Variants in MYO16 observed in about 807,000 individuals in gnomAD.
MYO16 encodes the protein myosin XVI.
In MYO16, 94 loss-of-function variants were observed where a neutral mutation model predicts 205.3. The ratio of observed to expected loss-of-function variants is 0.46; its 90% CI spans 0.39 to 0.54. The LOEUF (loss-of-function observed/expected upper bound fraction) is 0.54. Among genes scored for constraint, MYO16 ranks in the 20% least tolerant of loss-of-function variants. The pLI, the probability that MYO16 is intolerant of heterozygous loss-of-function variation, is 0.00. For missense variants in MYO16, 2,315 were observed against 2,387.5 expected (o/e 0.97, Z 0.63); for synonymous variants, 988 against 954.0 (o/e 1.04, Z -0.66).
At chr13:108,946,021 A>G (rs879838820) in intron 16 of MYO16, among the ~76,000 whole-genome samples, 20 of 152,310 alleles carry the variant, frequency 1.3e-4, no homozygotes, top group African/African-American at 2.4e-4. Context: ...GGGGGTAGAC[A>G]TGCCATTTTT....
At chr13:108,729,586 G>T (rs958548867) in intron 4 of MYO16, among the ~76,000 whole-genome samples, 2 of 151,754 alleles carry the variant, frequency 1.3e-5, no homozygotes, top group Admixed American at 1.3e-4. Context: ...ATTAAATTAA[G>T]CCGTGCCAAA....
chr13:108,746,077 C>T (rs1885053265), intron 4 of MYO16, among the ~76,000 whole-genome samples: 1 of 151,990 alleles, frequency 6.6e-6, no homozygotes, highest in African/African-American at 2.4e-5. Flanking sequence ...CCTGTAGTCC[C>T]AGCTACTCGG....
chr13:108,681,860 T>C (rs1183178546), intron 2 of MYO16, among the ~76,000 whole-genome samples: 1 of 152,224 alleles, frequency 6.6e-6, no homozygotes, highest in Non-Finnish European at 1.5e-5. Flanking sequence ...CTATTCATGG[T>C]CCTCCACAAT....
At chr13:108,884,386 T>C (rs1879760516) in intron 13 of MYO16, among the ~76,000 whole-genome samples, 1 of 152,216 alleles carries the variant, frequency 6.6e-6, no homozygotes, top group African/African-American at 2.4e-5. Context: ...AGGAAGGTGC[T>C]GAGGCAGGGG....
intron 16 of MYO16, among the ~76,000 whole-genome samples, chr13:108,956,648 A>G (rs1236183001): frequency 6.6e-6 from 1 of 152,110 alleles, no homozygotes; most frequent in Non-Finnish European, 1.5e-5. Flanking sequence ...TGCTTGACCA[A>G]TTCTTTCTGC....
intron 34 of MYO16, among the ~76,000 whole-genome samples, chr13:109,202,050 A>G (rs1426863950): frequency 6.6e-6 from 1 of 152,012 alleles, no homozygotes; most frequent in Non-Finnish European, 1.5e-5. Context: ...TATATGGGGT[A>G]TATATATATC....
intron 10 of MYO16, among the ~76,000 whole-genome samples, chr13:108,845,415 C>A (rs956773032): frequency 6.6e-5 from 10 of 152,086 alleles, no homozygotes; most frequent in Non-Finnish European, 1.2e-4. Context: ...GGTCAAGGTG[C>A]AGGTTGACTG....
At position 109,046,994 on chromosome 13, in the gene MYO16, A is replaced by G; in HGVS notation, c.2872+3A>G. The G allele has an allele frequency of 6.2e-7, 1 of 1,603,142 alleles. No homozygotes were observed. Among genetic ancestry groups the G allele is most frequent in the Non-Finnish European group, 8.5e-7 (1 of 1,170,346 alleles). On this transcript the variant is annotated splice_donor_region_variant and intron_variant, in intron 24 of 34. Transcript: ENST00000457511. The stretch of plus-strand genomic sequence containing the variant: ...GAATCTTCTATTTGTAATGAAAAGT[A>G]AGTTGATTTTTTTTCCTGCCCTACA...
At chr13:108,621,590 C>T (rs1319454994) in intron 1 of MYO16, among the ~76,000 whole-genome samples, 1 of 152,240 alleles carries the variant, frequency 6.6e-6, no homozygotes, top group East Asian at 1.9e-4. Flanking sequence ...CGTTAATCAT[C>T]CACGTCGTCT....
At chr13:108,606,254 A>G (rs919741803) in intron 1 of MYO16, among the ~76,000 whole-genome samples, 3 of 152,228 alleles carry the variant, frequency 2.0e-5, no homozygotes, top group African/African-American at 7.2e-5. Context: ...TGAGGAATCA[A>G]ATGTTAATCA....
At chr13:109,034,028 A>C (rs778474473) in intron 23 of MYO16, among the ~76,000 whole-genome samples, 4 of 152,102 alleles carry the variant, frequency 2.6e-5, no homozygotes, top group Non-Finnish European at 5.9e-5. Context: ...AGGGCAGAAA[A>C]GGGCACAGAT....
At chr13:108,832,577 C>T (rs1170401214) in intron 9 of MYO16, among the ~76,000 whole-genome samples, 2 of 152,084 alleles carry the variant, frequency 1.3e-5, no homozygotes, top group Non-Finnish European at 2.9e-5. Context: ...GAATAAAATC[C>T]TCTTTCAGTA....
chr13:108,986,377 T>C (rs1486053843), intron 20 of MYO16, among the ~76,000 whole-genome samples: 1 of 151,974 alleles, frequency 6.6e-6, no homozygotes, highest in African/African-American at 2.4e-5. Flanking sequence ...ATCCCAGCAC[T>C]TAAGGGAGGC....
At chr13:109,171,922 A>G (rs1305867005) in intron 33 of MYO16, among the ~76,000 whole-genome samples, 3 of 152,204 alleles carry the variant, frequency 2.0e-5, no homozygotes, top group African/African-American at 7.2e-5. Context: ...TTCATCCTCA[A>G]TGCACAATAA....
chr13:109,138,898 T>A (rs1002596732), intron 31 of MYO16, among the ~76,000 whole-genome samples: 2 of 152,158 alleles, frequency 1.3e-5, no homozygotes, highest in Non-Finnish European at 2.9e-5. Context: ...GTTCACTGCA[T>A]CCTCTGCCTC....
chr13:109,198,693 T>G (rs1463317668), intron 34 of MYO16, among the ~76,000 whole-genome samples: 1 of 152,226 alleles, frequency 6.6e-6, no homozygotes, highest in Non-Finnish European at 1.5e-5. Context: ...ATGGTACAAC[T>G]GTAACAGCTC....
intron 9 of MYO16, among the ~76,000 whole-genome samples, chr13:108,824,669 A>T (rs891771497): frequency 6.6e-6 from 1 of 152,152 alleles, no homozygotes. Flanking sequence ...AGTGGAATAC[A>T]TATTCTTTTC....
the MYO16 span, among the ~76,000 whole-genome samples, chr13:108,496,906 C>T: frequency 1.2e-3 from 180 of 151,876 alleles, 1 homozygote; most frequent in East Asian, 0.031. Flanking sequence ...GGCTGACCTG[C>T]GTCTTCCAAA....
rs1399075733 is a variant in MYO16, at chr13:109,046,905, T to G, written c.2797-11T>G. Reference sequence around the variant, plus strand: ...AATCATTAGTAATTATGCTGCTTTCTTTTATTCTAGGTAATGTATGATGTT... The same window carrying G: ...AATCATTAGTAATTATGCTGCTTTCGTTTATTCTAGGTAATGTATGATGTT... On this transcript the variant is annotated splice_polypyrimidine_tract_variant and intron_variant, in intron 23 of 34. Transcript: ENST00000457511. 1 of 1,594,282 alleles carries G rather than the reference T, an allele frequency of 6.3e-7. No homozygotes were observed. Among genetic ancestry groups the G allele is most frequent in the South Asian group, 1.1e-5 (1 of 90,448 alleles).
Sources: allele counts gnomAD v4.1 joint callset (sites outside exome capture counted in the v4.1 genomes callset), GRCh38; gene constraint gnomAD v4.1.1; transcripts MANE v1.5; gene names NCBI Gene and HGNC (gene_info 2026-07-23, HGNC 2026-07-21).